Variants in VAV3 observed in about 807,000 individuals in gnomAD.
The protein encoded by VAV3 is guanine nucleotide exchange factor VAV3.
In VAV3, 94 loss-of-function variants were observed where a neutral mutation model predicts 131.2. The ratio of observed to expected loss-of-function variants is 0.72; its 90% CI spans 0.61 to 0.85. The LOEUF is 0.85. VAV3 is among the 40% of genes least tolerant of loss of function. The pLI is 0.00. For missense variants in VAV3, 939 were observed against 1,002.7 expected (o/e 0.94, Z 0.86); for synonymous variants, 349 against 342.0 (o/e 1.02, Z -0.22).
At chr1:107,603,248 T>C (rs1652007100) in intron 22 of VAV3, 85 bp from the exon 23 acceptor site, 1 of 971,646 alleles carries the variant, frequency 1.0e-6, no homozygotes, top group African/African-American at 1.6e-5. Flanking sequence ...CAATATTTAA[T>C]TTAGTGGCAG....
chr1:107,616,204 G>A (rs1039911486), intron 21 of VAV3, among the ~76,000 whole-genome samples: 3 of 152,102 alleles, frequency 2.0e-5, no homozygotes, highest in African/African-American at 7.2e-5. Flanking sequence ...ATGCCCATAT[G>A]TTTCAGGATA....
chr1:107,582,966 T>C (rs985105990), intron 25 of VAV3, among the ~76,000 whole-genome samples: 17 of 152,136 alleles, frequency 1.1e-4, no homozygotes, highest in Non-Finnish European at 1.9e-4. Context: ...TTTCTAGTTC[T>C]AGATCCCTGA....
chr1:107,941,869 C>G (rs1444121866), intron 1 of VAV3, among the ~76,000 whole-genome samples: 2 of 151,968 alleles, frequency 1.3e-5, no homozygotes, highest in African/African-American at 2.4e-5. Flanking sequence ...TATGATCTCC[C>G]CTACCAAAAA....
chr1:107,603,645 T>C (rs1433734744), intron 22 of VAV3, among the ~76,000 whole-genome samples: 1 of 152,162 alleles, frequency 6.6e-6, no homozygotes, highest in African/African-American at 2.4e-5. Context: ...AATTCATTCG[T>C]CCACAATTTT....
chr1:107,750,289 A>G (rs998087826), intron 13 of VAV3, among the ~76,000 whole-genome samples: 1 of 152,226 alleles, frequency 6.6e-6, no homozygotes, highest in Non-Finnish European at 1.5e-5. Context: ...GTAAACTGAA[A>G]ACGTTATGGT....
chr1:107,795,964 A>G (rs943606168), intron 2 of VAV3, among the ~76,000 whole-genome samples: 1 of 152,204 alleles, frequency 6.6e-6, no homozygotes. Context: ...ATCCCATTAA[A>G]TCCTAATTCT....
At chr1:107,815,927 C>T (rs778563007) in intron 2 of VAV3, among the ~76,000 whole-genome samples, 20 of 152,112 alleles carry the variant, frequency 1.3e-4, no homozygotes, top group African/African-American at 3.6e-4. Context: ...AACTGTTCTA[C>T]GTCAGATCAT....
intron 2 of VAV3, among the ~76,000 whole-genome samples, chr1:107,799,724 C>T (rs576795260): frequency 2.2e-4 from 34 of 152,284 alleles, no homozygotes; most frequent in African/African-American, 7.9e-4. Flanking sequence ...TTCCAGCCAT[C>T]TTGAAATGTA....
chr1:107,787,336 G>T (rs971666100), intron 2 of VAV3, among the ~76,000 whole-genome samples: 3 of 152,174 alleles, frequency 2.0e-5, no homozygotes, highest in Non-Finnish European at 4.4e-5. Flanking sequence ...AATGCTTCCT[G>T]CTCTCAAAAA....
chr1:107,587,870 G>A (rs1314375681), intron 25 of VAV3, among the ~76,000 whole-genome samples: 1 of 152,184 alleles, frequency 6.6e-6, no homozygotes, highest in Non-Finnish European at 1.5e-5. Flanking sequence ...GGGGATTACA[G>A]GCATGAGCCA....
intron 5 of VAV3, among the ~76,000 whole-genome samples, chr1:107,772,354 T>G (rs1356874822): frequency 1.3e-5 from 2 of 152,162 alleles, no homozygotes; most frequent in Non-Finnish European, 2.9e-5. Context: ...AATATATATT[T>G]TATCTTATAT....
At chr1:107,588,902 C>A (rs1237441622) in intron 25 of VAV3, among the ~76,000 whole-genome samples, 3 of 152,142 alleles carry the variant, frequency 2.0e-5, no homozygotes, top group Non-Finnish European at 4.4e-5. Flanking sequence ...GACAAATGGT[C>A]ATTCAAGTAT....
At chr1:107,670,870 G>GA (rs201875355) in intron 19 of VAV3, among the ~76,000 whole-genome samples, 29 of 151,240 alleles carry the variant, frequency 1.9e-4, no homozygotes, top group Admixed American at 9.9e-4. Flanking sequence ...TGTTTTGCTA[G>GA]AAAAAAAAAT....
chr1:107,667,083 A>G (rs1485735930), intron 19 of VAV3, among the ~76,000 whole-genome samples: 2 of 152,210 alleles, frequency 1.3e-5, no homozygotes, highest in African/African-American at 2.4e-5. Flanking sequence ...TGGCCTCGAG[A>G]GTCTGGTATC....
At chr1:107,894,120 A>T (rs1671456303) in intron 1 of VAV3, among the ~76,000 whole-genome samples, 2 of 152,222 alleles carry the variant, frequency 1.3e-5, no homozygotes, top group African/African-American at 4.8e-5. Context: ...AAATAGTTAA[A>T]TTATTTCCTA....
intron 6 of VAV3, 69 bp from the exon 7 acceptor site, chr1:107,768,578 C>G (rs916417519): frequency 8.0e-7 from 1 of 1,252,930 alleles, no homozygotes; most frequent in Non-Finnish European, 1.1e-6. Flanking sequence ...AGTTTTTCAT[C>G]AACAAACAAC....
intron 19 of VAV3, among the ~76,000 whole-genome samples, chr1:107,660,681 C>A (rs1412696147): frequency 1.3e-5 from 2 of 152,182 alleles, no homozygotes; most frequent in African/African-American, 4.8e-5. Context: ...GGCATTCATT[C>A]ATCACTATGC....
At chr1:107,952,468 T>TTATATATATATATA (rs1161088981) in intron 1 of VAV3, among the ~76,000 whole-genome samples, 1,432 of 118,894 alleles carry the variant, frequency 0.012, 15 homozygotes, top group Non-Finnish European at 0.017. Flanking sequence ...TAACAAAACT[T>TTATATATATATATA]TATATATATA....
At chr1:107,769,268 A>G (rs1325897231) in intron 6 of VAV3, among the ~76,000 whole-genome samples, 2 of 152,110 alleles carry the variant, frequency 1.3e-5, no homozygotes, top group East Asian at 3.9e-4. Flanking sequence ...TTTTCTAGAA[A>G]AACAAACACC....
Sources: gnomAD v4.1 joint callset for allele counts (sites outside exome capture counted in the v4.1 genomes callset) on GRCh38, gnomAD v4.1.1 for gene constraint, MANE v1.5 for transcripts, NCBI Gene and HGNC (gene_info 2026-07-23, HGNC 2026-07-21) for gene names.